Variants in AHCY observed in about 807,000 individuals in gnomAD.
AHCY encodes S-adenosyl-L-homocysteine hydrolase.
AHCY carries 24 observed loss-of-function variants against 45.4 expected under a neutral mutation model. The ratio of observed to expected loss-of-function variants is 0.53; its 90% CI spans 0.38 to 0.74. The LOEUF is 0.74. AHCY is among the 30% of genes least tolerant of loss of function. AHCY has a pLI of 0.00. For missense variants in AHCY, 449 were observed against 594.1 expected (o/e 0.76, Z 2.54); for synonymous variants, 245 against 235.1 (o/e 1.04, Z -0.39).
At position 34,292,365 on chromosome 20, in the gene AHCY, A is replaced by T; in HGVS notation, c.438T>A (p.Leu146=). 2 of 1,613,224 alleles carry T rather than the reference A, an allele frequency of 1.2e-6. No homozygotes were observed. The highest frequency in any genetic ancestry group is 1.7e-6 in the Non-Finnish European group (2 of 1,179,962). ...CTGCCCCGCCCTGCTCACCTGGCAG[A>T]AGCTGCGGGTACTTGGTGTGGATGA... ...TNLIHTKYPQ[L]LPGIRGISEE... is the part of the protein sequence containing the mutation. Residue 146 remains leucine (L), a synonymous_variant, in exon 4 of 10, where the codon CTT becomes CTA. Transcript: ENST00000217426.
the AHCY span, chr20:34,269,236 C>A: frequency 1.4e-5 from 20 of 1,422,842 alleles, no homozygotes; most frequent in Non-Finnish European, 1.7e-5. Flanking sequence ...GCGGGTGATC[C>A]CTAACAGGGC....
the AHCY span, among the ~76,000 whole-genome samples, chr20:34,265,176 G>A: frequency 1.7e-4 from 26 of 152,048 alleles, no homozygotes; most frequent in Non-Finnish European, 3.7e-4. Context: ...TATCAGTAAG[G>A]CTTCCTTCTG....
At chr20:34,307,568 C>T (rs1373230965), upstream of AHCY, among the ~76,000 whole-genome samples, 1 of 152,214 alleles carries the variant, frequency 6.6e-6, no homozygotes, top group African/African-American at 2.4e-5. Flanking sequence ...GATGGGGTTT[C>T]TCCATGTTGG....
chr20:34,268,651 G>A, the AHCY span, among the ~76,000 whole-genome samples: 1 of 151,992 alleles, frequency 6.6e-6, no homozygotes, highest in South Asian at 2.1e-4. Context: ...TGGCAGAATC[G>A]CCTGAGCCCG....
At chr20:34,310,502 C>T (rs2036937092) in intron 1 of AHCY, among the ~76,000 whole-genome samples, 1 of 152,200 alleles carries the variant, frequency 6.6e-6, no homozygotes, top group Admixed American at 6.5e-5. Flanking sequence ...ATGAACAACA[C>T]TCTGGTAATA....
At chr20:34,311,415 GGTC>G (rs1477736242) in intron 1 of AHCY, 3 of 152,246 alleles carry the variant, frequency 2.0e-5, no homozygotes, top group African/African-American at 7.2e-5. Flanking sequence ...CTGGCGGGAA[GGTC>G]GAAACCCCAG....
At chr20:34,311,139 ACAACAACAAAAC>A (rs2036943658) in intron 1 of AHCY, among the ~76,000 whole-genome samples, 1 of 152,170 alleles carries the variant, frequency 6.6e-6, no homozygotes, top group African/African-American at 2.4e-5. Context: ...CAAAACAACA[ACAACAACAAAAC>A]CAACAACAAA....
chr20:34,274,435 C>A, the AHCY span, among the ~76,000 whole-genome samples: 2 of 152,146 alleles, frequency 1.3e-5, no homozygotes, highest in Non-Finnish European at 2.9e-5. Context: ...GGGGACTCTG[C>A]CTGCGTAGAG....
the AHCY span, among the ~76,000 whole-genome samples, chr20:34,247,181 T>C: frequency 7.8e-4 from 118 of 152,072 alleles, no homozygotes; most frequent in Non-Finnish European, 1.5e-3. Flanking sequence ...TATATGCCTC[T>C]CTCCTAAATA....
At chr20:34,301,228 C>T (rs2036760530) in intron 1 of AHCY, among the ~76,000 whole-genome samples, 1 of 152,160 alleles carries the variant, frequency 6.6e-6, no homozygotes. Flanking sequence ...CAAGGCCCCT[C>T]CTGGGAGGGG....
At chr20:34,245,938 G>C in the AHCY span, 3 of 1,530,398 alleles carry the variant, frequency 2.0e-6, no homozygotes, top group Non-Finnish European at 2.7e-6. Context: ...ATTAAATACA[G>C]ACAAATTTTC....
chr20:34,246,750 GC>G, the AHCY span, among the ~76,000 whole-genome samples: 1 of 152,122 alleles, frequency 6.6e-6, no homozygotes, highest in East Asian at 1.9e-4. Context: ...GAGCCCCTGT[GC>G]CGGGCCTTCA....
At chr20:34,308,003 T>A (rs1197893538), upstream of AHCY, among the ~76,000 whole-genome samples, 4 of 152,162 alleles carry the variant, frequency 2.6e-5, no homozygotes, top group Non-Finnish European at 5.9e-5. Context: ...TCTCTGTTGA[T>A]GTGTTTTCAT....
the AHCY span, among the ~76,000 whole-genome samples, chr20:34,244,134 G>T: frequency 6.6e-6 from 1 of 152,198 alleles, no homozygotes; most frequent in East Asian, 1.9e-4. Flanking sequence ...CCATGGTTTT[G>T]TGGGCTCTAA....
chr20:34,260,561 G>C, the AHCY span: 4 of 1,578,778 alleles, frequency 2.5e-6, no homozygotes, highest in Non-Finnish European at 3.5e-6. Flanking sequence ...CTGGGCTCTG[G>C]CCCAGGAGAG....
chr20:34,296,195 G>GA (rs2036573948), intron 1 of AHCY, among the ~76,000 whole-genome samples: 1 of 151,988 alleles, frequency 6.6e-6, no homozygotes, highest in African/African-American at 2.4e-5. Context: ...AAACTGAGAG[G>GA]AAAAAATGGT....
downstream of AHCY, among the ~76,000 whole-genome samples, chr20:34,276,447 G>A (rs949679327): frequency 6.6e-6 from 1 of 152,106 alleles, no homozygotes; most frequent in Non-Finnish European, 1.5e-5. Flanking sequence ...GGATACTCTA[G>A]GGAGGCACCC....
At chr20:34,298,057 T>G (rs1408310523) in intron 1 of AHCY, among the ~76,000 whole-genome samples, 2 of 152,018 alleles carry the variant, frequency 1.3e-5, no homozygotes, top group Non-Finnish European at 2.9e-5. Context: ...GAGAATCACT[T>G]GAACCTGGGA....
At chr20:34,286,686 A>T (rs536012977) in intron 8 of AHCY, among the ~76,000 whole-genome samples, 29 of 151,980 alleles carry the variant, frequency 1.9e-4, no homozygotes, top group Non-Finnish European at 1.5e-5. Context: ...ACACAAAATT[A>T]GCCAGGCATG....
Sources: gnomAD v4.1 joint callset for allele counts (sites outside exome capture counted in the v4.1 genomes callset) on GRCh38, gnomAD v4.1.1 for gene constraint, MANE v1.5 for transcripts, NCBI Gene and HGNC (gene_info 2026-07-23, HGNC 2026-07-21) for gene names.